PPP2R2A: variants seen among roughly 807,000 people sequenced by gnomAD.
PPP2R2A encodes protein phosphatase 2 regulatory subunit Balpha.
Under a neutral mutation model 53.2 loss-of-function variants are expected in PPP2R2A, and 9 were observed. That is an observed-to-expected ratio of 0.17 (90% CI 0.10 to 0.30). The LOEUF is 0.30. PPP2R2A is among the 10% of genes least tolerant of loss of function. The pLI is 1.00. For missense variants in PPP2R2A, 235 were observed against 534.6 expected (o/e 0.44, Z 5.53); for synonymous variants, 169 against 174.2 (o/e 0.97, Z 0.23).
intron 2 of PPP2R2A, among the ~76,000 whole-genome samples, chr8:26,311,332 G>T (rs1802282672): frequency 6.6e-6 from 1 of 152,148 alleles, no homozygotes; most frequent in South Asian, 2.1e-4. Flanking sequence ...ACTAGTTTTT[G>T]AGGTTTTGGG....
intron 2 of PPP2R2A, among the ~76,000 whole-genome samples, chr8:26,307,103 C>T (rs1802059875): frequency 6.6e-6 from 1 of 152,140 alleles, no homozygotes; most frequent in Non-Finnish European, 1.5e-5. Context: ...GATGAGTTGC[C>T]TGAGAAATTA....
chr8:26,293,466 C>A lies in PPP2R2A; in HGVS notation c.8-200C>A. 1.4e-5 allele frequency: 10 copies of A among 691,850 alleles called. No individual in the cohort carries two copies. The South Asian group carries it at 2.1e-4, about 14-fold the overall frequency. 42.9% of individuals were successfully genotyped at this position (691,850 alleles called of 1,614,324 possible). ...AACATGTGCCTTTAAATATTTCGTA[C>A]CTGGAATCTTTTTTTTCTTTCTAAT... On this transcript the variant is annotated intron_variant, in intron 1 of 9. Coordinates refer to ENST00000380737, the MANE Select transcript of PPP2R2A (RefSeq NM_002717.4).
chr8:26,360,951 T>G lies in PPP2R2A; in HGVS notation c.460-23T>G. 1 of 1,568,962 alleles carries G rather than the reference T, an allele frequency of 6.4e-7. No individual in the cohort carries two copies. Among genetic ancestry groups the G allele is most frequent in the South Asian group, 1.2e-5 (1 of 82,176 alleles). The stretch of plus-strand genomic sequence containing the variant: ...GAAACTGAGCCTTTTGTAATTTCTG[T>G]TTTTCATGTGTCTTATTGACAGGTG... On this transcript the variant is annotated intron_variant, in intron 5 of 9. Coordinates refer to ENST00000380737, the MANE Select transcript of PPP2R2A (RefSeq NM_002717.4). This position sits in a 1 kb window ranked among gnomAD's most constrained non-coding sequence, Gnocchi z 4.5.
chr8:26,334,127 C>T (rs937574413), intron 2 of PPP2R2A, among the ~76,000 whole-genome samples: 1 of 151,624 alleles, frequency 6.6e-6, no homozygotes, highest in Admixed American at 6.6e-5. Context: ...GGGCAGTGGA[C>T]TAATGTTCTG....
chr8:26,314,389 T>TCG, intron 2 of PPP2R2A, among the ~76,000 whole-genome samples: 1 of 152,344 alleles, frequency 6.6e-6, no homozygotes, highest in East Asian at 1.9e-4. Flanking sequence ...ATCATTATCA[T>TCG]TGTGATCATC....
intron 2 of PPP2R2A, among the ~76,000 whole-genome samples, chr8:26,299,042 G>T (rs542679110): frequency 4.6e-4 from 70 of 152,328 alleles, no homozygotes; most frequent in African/African-American, 1.7e-3. Flanking sequence ...TGGGAGGCCA[G>T]GCGAGAGGAT....
chr8:26,332,235 C>G (rs1803418576), intron 2 of PPP2R2A, among the ~76,000 whole-genome samples: 1 of 151,678 alleles, frequency 6.6e-6, no homozygotes, highest in African/African-American at 2.4e-5. Flanking sequence ...TGGTGCATAC[C>G]TATAATCCCA....
chr8:26,295,033 T>C (rs964018960), intron 2 of PPP2R2A, among the ~76,000 whole-genome samples: 1 of 152,218 alleles, frequency 6.6e-6, no homozygotes, highest in Non-Finnish European at 1.5e-5. Context: ...AGGAGTTGTG[T>C]ATTACTCATG....
intron 6 of PPP2R2A, 36 bp downstream of exon 6, chr8:26,361,187 A>G: frequency 6.6e-7 from 1 of 1,524,522 alleles, no homozygotes; most frequent in Non-Finnish European, 8.8e-7. Context: ...TTGGTGAAGA[A>G]GGCATGTTGT....
At chr8:26,328,402 G>C (rs1007043768) in intron 2 of PPP2R2A, among the ~76,000 whole-genome samples, 6 of 152,094 alleles carry the variant, frequency 3.9e-5, no homozygotes, top group African/African-American at 1.4e-4. Flanking sequence ...GAAAGTAATT[G>C]CCCAATACCT....
At position 26,335,097 on chromosome 8, in the gene PPP2R2A, T is replaced by C. The variant is rs75429709; in HGVS notation, c.83-3793T>C. On this transcript the variant is annotated intron_variant, in intron 2 of 9. Coordinates refer to ENST00000380737, the MANE Select transcript of PPP2R2A (RefSeq NM_002717.4). ...TGCTCTGCAGCACCAGGCAAGACCA[T>C]ACCCCATTCTTGGCATGCCGGTATG... Among the ~76,000 whole-genome samples, 625 of 152,322 alleles carry C rather than the reference T, an allele frequency of 4.1e-3. 15 individuals carry two copies. Among genetic ancestry groups the C allele is most frequent in the Admixed American group, 0.03 (454 of 15,300 alleles).
chr8:26,354,952 G>A lies in PPP2R2A; in HGVS notation c.346+319G>A, dbSNP rs1031020050. 1.3e-5 allele frequency among the ~76,000 whole-genome samples: 2 copies of A among 152,124 alleles called. No homozygotes were observed. The highest frequency in any genetic ancestry group is 2.9e-5 in the Non-Finnish European group (2 of 68,022). ...TTGGGCAGGTTACTAACACTGAATT[G>A]AATTTTCCTCAGCAGCAAACTAGAG... On this transcript the variant is annotated intron_variant, in intron 4 of 9. Transcript: ENST00000380737. The surrounding 1 kb of genome is among the most constrained non-coding windows in gnomAD (Gnocchi z 4.6).
chr8:26,337,704 A>G (rs781124045), intron 2 of PPP2R2A, among the ~76,000 whole-genome samples: 1 of 152,190 alleles, frequency 6.6e-6, no homozygotes, highest in Non-Finnish European at 1.5e-5. Flanking sequence ...CCTGGCGTTG[A>G]GTTGTTGTCC....
chr8:26,345,859 T>C (rs1804185528), intron 3 of PPP2R2A, among the ~76,000 whole-genome samples: 1 of 152,226 alleles, frequency 6.6e-6, no homozygotes, highest in Non-Finnish European at 1.5e-5. Context: ...GTGGTGTATT[T>C]ATTGAATTTG....
intron 3 of PPP2R2A, among the ~76,000 whole-genome samples, chr8:26,343,035 G>GCT (rs1804022236): frequency 1.3e-5 from 2 of 151,910 alleles, no homozygotes; most frequent in Non-Finnish European, 2.9e-5. Flanking sequence ...AAAATTAGCT[G>GCT]ATCCTGGTGG....
chr8:26,338,876 T>A lies in PPP2R2A; in HGVS notation c.83-14T>A, dbSNP rs1328035330. On this transcript the variant is annotated splice_polypyrimidine_tract_variant and intron_variant, in intron 2 of 9. Transcript: ENST00000380737. The surrounding 1 kb of genome is among the most constrained non-coding windows in gnomAD (Gnocchi z 4.5). ...AAAACTAATATCTTTTTTTGTTTTG[T>A]CTCAATTATACAGCAGATATAATTT... The A allele has an allele frequency of 6.6e-7, 1 of 1,522,630 alleles. No homozygotes were observed. The highest frequency in any genetic ancestry group is 1.4e-5 in the African/African-American group (1 of 72,140). The allele number at this position is 1,522,630 out of a possible 1,614,324, so 94.3% of individuals were successfully genotyped here.
chr8:26,362,041 TTAAGA>T lies in PPP2R2A; in HGVS notation c.638-641_638-637del, dbSNP rs973599903. 7.1e-5 allele frequency among the ~76,000 whole-genome samples: 10 copies of T among 141,020 alleles called. No individual in the cohort carries two copies. The highest frequency in any genetic ancestry group is 4.0e-4 in the East Asian group (2 of 5,018). The allele number at this position is 141,020 out of a possible 152,430, so 92.5% of individuals were successfully genotyped here. ...GATTAAGATTAGATTAAGATTAATCTTAAGATTAGATTAAGATTAATTTTAAGATT... is the reference window on the plus strand; with the variant it reads ...GATTAAGATTAGATTAAGATTAATCTTTAGATTAAGATTAATTTTAAGATT... On this transcript the variant is annotated intron_variant, in intron 6 of 9. Coordinates refer to ENST00000380737, the MANE Select transcript of PPP2R2A (RefSeq NM_002717.4). This position sits in a 1 kb window ranked among gnomAD's most constrained non-coding sequence, Gnocchi z 4.4.
At chr8:26,345,151 C>T (rs1241571491) in intron 3 of PPP2R2A, among the ~76,000 whole-genome samples, 2 of 152,102 alleles carry the variant, frequency 1.3e-5, no homozygotes, top group Non-Finnish European at 2.9e-5. Context: ...TTCAGATTTT[C>T]AGATTAGGTA....
intron 3 of PPP2R2A, among the ~76,000 whole-genome samples, chr8:26,349,590 T>C (rs964937906): frequency 6.6e-6 from 1 of 152,238 alleles, no homozygotes; most frequent in African/African-American, 2.4e-5. Context: ...CTGCAACATA[T>C]GTGTGGTATA....
Sources: allele counts gnomAD v4.1 joint callset (sites outside exome capture counted in the v4.1 genomes callset), GRCh38; gene constraint gnomAD v4.1.1; non-coding constraint Gnocchi (gnomAD v3.1); transcripts MANE v1.5; gene names NCBI Gene and HGNC (gene_info 2026-07-23, HGNC 2026-07-21).